Variants in SLC1A4 observed in about 807,000 individuals in gnomAD.
SLC1A4 encodes neutral amino acid transporter A.
SLC1A4 carries 19 observed loss-of-function variants against 37.7 expected under a neutral mutation model. That is an observed-to-expected ratio of 0.50 (90% CI 0.35 to 0.74). SLC1A4 has a LOEUF of 0.74. SLC1A4 is among the 30% of genes least tolerant of loss of function. The pLI is 0.01. For synonymous variants in SLC1A4, 299 were observed against 309.8 expected (o/e 0.97, Z 0.37); for missense variants, 570 against 712.9 (o/e 0.80, Z 2.28).
At chr2:65,014,610 C>A (rs891660426) in intron 4 of SLC1A4, among the ~76,000 whole-genome samples, 1 of 152,194 alleles carries the variant, frequency 6.6e-6, no homozygotes, top group Admixed American at 6.5e-5. Flanking sequence ...TGGATAAGAA[C>A]CACTGTTGCA....
intron 1 of SLC1A4, among the ~76,000 whole-genome samples, chr2:64,992,985 A>C (rs975588652): frequency 1.3e-5 from 2 of 152,324 alleles, no homozygotes. Context: ...CATCAAAATT[A>C]AAAAATTGCT....
chr2:65,018,615 A>T lies in SLC1A4; in HGVS notation c.1300A>T (p.Ile434Phe). The change falls in exon 7 of 8, where the codon ATC (isoleucine) becomes TTC (phenylalanine). Residue 434 changes from isoleucine (I) to phenylalanine (F), a missense_variant. Physicochemically the swap from Ile to Phe is conservative, Grantham distance 21. Coordinates refer to ENST00000234256, the MANE Select transcript of SLC1A4 (RefSeq NM_003038.5). This position sits in a 1 kb window ranked among gnomAD's most constrained non-coding sequence, Gnocchi z 4.3. ...PAGGVLTIAI[I>F]LEAIGLPTHD... ...TGGAGGGGTCCTCACCATTGCCATT[A>T]TCCTGGAGGCCATTGGGCTGCCTAC... The T allele has an allele frequency of 2.5e-6, 4 of 1,614,206 alleles. No individual in the cohort carries two copies. The highest frequency in any genetic ancestry group is 2.5e-6 in the Non-Finnish European group (3 of 1,180,034).
chr2:65,002,109 G>C, intron 2 of SLC1A4, among the ~76,000 whole-genome samples: 1 of 151,924 alleles, frequency 6.6e-6, no homozygotes, highest in Non-Finnish European at 1.5e-5. Flanking sequence ...GTGAAACCCC[G>C]TCTCCATTAA....
In SLC1A4 at chr2:65,018,817, G is replaced by A; in HGVS notation, c.1364+138G>A. The A allele has an allele frequency of 2.0e-6, 2 of 987,638 alleles. No individual in the cohort carries two copies. The highest frequency in any genetic ancestry group is 3.0e-6 in the Non-Finnish European group (2 of 669,266). 61.2% of individuals were successfully genotyped at this position (987,638 alleles called of 1,614,324 possible). A position where few individuals can be genotyped will look rare whatever the true frequency, so the allele number is the denominator to read the frequency against. ...GAAGGAGGCTACAGTGGAGCTAAAA[G>A]GGCAAGATTTAGAGCTAGGAAAAAT... On this transcript the variant is annotated intron_variant, in intron 7 of 7. Transcript: ENST00000234256. The surrounding 1 kb of genome is among the most constrained non-coding windows in gnomAD (Gnocchi z 4.3).
chr2:65,000,345 T>G (rs1673411978), intron 1 of SLC1A4: 1 of 152,212 alleles, frequency 6.6e-6, no homozygotes, highest in African/African-American at 2.4e-5. Flanking sequence ...ATGAAATCCA[T>G]AAATAAAATG....
intron 2 of SLC1A4, among the ~76,000 whole-genome samples, chr2:65,002,644 C>T (rs1325062840): frequency 7.7e-6 from 1 of 129,368 alleles, no homozygotes; most frequent in Admixed American, 9.7e-5. Context: ...GTGGCGCGAT[C>T]TTGGCTCACT....
intron 1 of SLC1A4, among the ~76,000 whole-genome samples, chr2:64,991,633 G>T (rs565194127): frequency 6.6e-6 from 1 of 150,758 alleles, no homozygotes; most frequent in South Asian, 2.1e-4. Flanking sequence ...ACGGAGTCTC[G>T]CTCTGTCACC....
chr2:64,998,185 C>T (rs1172116050), intron 1 of SLC1A4, among the ~76,000 whole-genome samples: 2 of 151,868 alleles, frequency 1.3e-5, no homozygotes, highest in African/African-American at 2.4e-5. Flanking sequence ...TTCAGTGAGC[C>T]GAGATCACGC....
chr2:65,014,411 T>C (rs1212912793), intron 4 of SLC1A4, among the ~76,000 whole-genome samples: 1 of 152,192 alleles, frequency 6.6e-6, no homozygotes, highest in Non-Finnish European at 1.5e-5. Flanking sequence ...TTATCAGGCA[T>C]TGATAATGGT....
In SLC1A4 at chr2:64,989,964, C is replaced by T. The variant is rs772188835; in HGVS notation, c.321C>T (p.Ala107=). ...SLVSGAASLD[A]SCLGRLGGIA... ...TGTCGGGCGCCGCCTCGCTCGATGC[C>T]AGCTGCCTCGGGCGTCTGGGCGGCA... Residue 107 remains alanine (A), a synonymous_variant, in exon 1 of 8, where the codon GCC becomes GCT. Transcript: ENST00000234256. The T allele has an allele frequency of 5.1e-6, 8 of 1,579,422 alleles. No homozygotes were observed. Among genetic ancestry groups the T allele is most frequent in the Non-Finnish European group, 6.0e-6 (7 of 1,162,626 alleles).
At chr2:65,017,703 A>G (rs1340049546) in intron 5 of SLC1A4, among the ~76,000 whole-genome samples, 2 of 151,730 alleles carry the variant, frequency 1.3e-5, no homozygotes, top group Non-Finnish European at 2.9e-5. Flanking sequence ...ATAGTTTACC[A>G]TTTACTTTTG....
chr2:65,018,210 T>C lies in SLC1A4; in HGVS notation c.1174T>C (p.Phe392Leu), dbSNP rs1400188030. Reference protein sequence around the residue: ...AAIFQCVAAVFIAQLNNVELN... With the variant: ...AAIFQCVAAVLIAQLNNVELN... Reference sequence around the variant, plus strand: ...CATCTTCCAGTGTGTGGCCGCGGTGTTCATTGCGCAACTCAACAACGTAGA... The same window carrying C: ...CATCTTCCAGTGTGTGGCCGCGGTGCTCATTGCGCAACTCAACAACGTAGA... The change falls in exon 6 of 8, where the codon TTC (phenylalanine) becomes CTC (leucine). Residue 392 changes from phenylalanine (F) to leucine (L), a missense_variant. Physicochemically the swap from Phe to Leu is conservative, Grantham distance 22. Coordinates refer to ENST00000234256, the MANE Select transcript of SLC1A4 (RefSeq NM_003038.5). The surrounding 1 kb of genome is among the most constrained non-coding windows in gnomAD (Gnocchi z 4.3). 6.2e-7 allele frequency: 1 copy of C among 1,614,082 alleles called. No homozygotes were observed.
rs1674293892 is a variant in SLC1A4 at position 65,018,830 on chromosome 2, A to G, written c.1364+151A>G. 1 of 867,904 alleles carries G rather than the reference A, an allele frequency of 1.2e-6. No individual in the cohort carries two copies. Among genetic ancestry groups the G allele is most frequent in the Non-Finnish European group, 1.8e-6 (1 of 565,678 alleles). The allele number at this position is 867,904 out of a possible 1,614,324, so 53.8% of individuals were successfully genotyped here. ...GTGGAGCTAAAAGGGCAAGATTTAG[A>G]GCTAGGAAAAATTAAACAATATGAG... On this transcript the variant is annotated intron_variant, in intron 7 of 7. Transcript: ENST00000234256. This position sits in a 1 kb window ranked among gnomAD's most constrained non-coding sequence, Gnocchi z 4.3.
At chr2:65,001,518 T>G in intron 2 of SLC1A4, 28 bp downstream of exon 2, 1 of 1,601,368 alleles carries the variant, frequency 6.2e-7, no homozygotes, top group Non-Finnish European at 8.6e-7. Flanking sequence ...GCTAAAAATA[T>G]GAAACTTTGA....
At chr2:65,017,994 T>C (rs1434711937) in intron 5 of SLC1A4, 77 bp from the exon 6 acceptor site, 1 of 1,293,742 alleles carries the variant, frequency 7.7e-7, no homozygotes, top group Non-Finnish European at 1.1e-6. Flanking sequence ...TGCTCTGTTC[T>C]GGGGTCTGAG....
In SLC1A4 at chr2:64,998,105, C is replaced by T. The variant is rs927639750; in HGVS notation, c.528-3343C>T. On this transcript the variant is annotated intron_variant, in intron 1 of 7. Coordinates refer to ENST00000234256, the MANE Select transcript of SLC1A4 (RefSeq NM_003038.5). ...AAACAAAATTAGCCAGGTGTGGTGG[C>T]GGGCGCCTGTAGTCCCAGCTACTCG... 1.7e-4 allele frequency among the ~76,000 whole-genome samples: 26 copies of T among 152,232 alleles called. No homozygotes were observed. In the East Asian group the frequency reaches 4.1e-3, roughly 24 times the overall value.
In SLC1A4 at chr2:65,018,137, C is replaced by T; in HGVS notation, c.1101C>T (p.Ser367=). ...ACAATGGTGTGGACAAGAGGATCAG[C>T]AGGTTTATTCTCCCCATCGGGGCCA... is the stretch of plus-strand genomic sequence containing the variant. ...EENNGVDKRI[S]RFILPIGATV... Residue 367 remains serine (S), a synonymous_variant, in exon 6 of 8, where the codon AGC becomes AGT. Coordinates refer to ENST00000234256, the MANE Select transcript of SLC1A4 (RefSeq NM_003038.5). The surrounding 1 kb of genome is among the most constrained non-coding windows in gnomAD (Gnocchi z 4.3). 6.2e-7 allele frequency: 1 copy of T among 1,614,160 alleles called. No individual in the cohort carries two copies. Among genetic ancestry groups the T allele is most frequent in the Non-Finnish European group, 8.5e-7 (1 of 1,180,026 alleles).
At chr2:64,993,778 T>C (rs1260588757) in intron 1 of SLC1A4, among the ~76,000 whole-genome samples, 3 of 152,212 alleles carry the variant, frequency 2.0e-5, no homozygotes. Flanking sequence ...ATCTTTATTA[T>C]GGGAATCATG....
intron 3 of SLC1A4, among the ~76,000 whole-genome samples, chr2:65,005,203 G>T (rs769479293): frequency 1.3e-5 from 2 of 152,080 alleles, no homozygotes. Context: ...GAGGCCTGGG[G>T]GATGTAGGAA....
Sources: gnomAD v4.1 joint callset for allele counts (sites outside exome capture counted in the v4.1 genomes callset) on GRCh38, gnomAD v4.1.1 for gene constraint, Gnocchi (gnomAD v3.1) non-coding constraint, MANE v1.5 for transcripts, NCBI Gene and HGNC (gene_info 2026-07-23, HGNC 2026-07-21) for gene names.